Variants in RNU5D-1 observed in about 807,000 individuals in gnomAD.
The protein encoded by RNU5D-1 is RNA, U5D small nuclear.
At chr1:44,731,073 C>G (rs561381956) in exon 1 of RNU5D-1, 5 of 152,086 alleles carry the variant, frequency 3.3e-5, no homozygotes, top group South Asian at 2.1e-4. Context: ...CAACATAGGG[C>G]TTCAAAAAAT....
At chr1:44,731,093 A>G (rs995947840) in exon 1 of RNU5D-1, 1 of 151,906 alleles carries the variant, frequency 6.6e-6, no homozygotes, top group African/African-American at 2.4e-5. Flanking sequence ...TTTGCTTGAA[A>G]CTCAAAACGG....
exon 1 of RNU5D-1, chr1:44,731,129 A>G (rs905969719): frequency 2.0e-5 from 3 of 151,892 alleles, no homozygotes; most frequent in Admixed American, 6.6e-5. Flanking sequence ...ATCTTTAGTA[A>G]AAGGCGAAAG....
chr1:44,731,108 T>A lies in RNU5D-1; in HGVS notation n.63A>T, dbSNP rs557627799. ...TTTGCTTGAAACTCAAAACGGTTTC[T>A]CTCCACGGAAATCTTTAGTAAAAGG... On this transcript the variant is annotated non_coding_transcript_exon_variant, in exon 1 of 1. Coordinates refer to ENST00000363299, the Ensembl canonical transcript of RNU5D-1. 2.0e-3 allele frequency: 302 copies of A among 152,058 alleles called. 1 individual carries two copies. Among genetic ancestry groups the A allele is most frequent in the African/African-American group, 7.1e-3 (294 of 41,478 alleles). The allele number at this position is 152,058 out of a possible 1,614,324, so 9.4% of individuals were successfully genotyped here.
exon 1 of RNU5D-1, chr1:44,731,097 A>C (rs578138040): frequency 2.6e-5 from 4 of 152,204 alleles, no homozygotes; most frequent in Admixed American, 2.6e-4. Flanking sequence ...CTTGAAACTC[A>C]AAACGGTTTC....
At chr1:44,731,097 A>AG (rs1491360954) in exon 1 of RNU5D-1, 1 of 152,086 alleles carries the variant, frequency 6.6e-6, no homozygotes. Flanking sequence ...CTTGAAACTC[A>AG]AAACGGTTTC....
chr1:44,731,099 A>C (rs917723363), exon 1 of RNU5D-1: 2 of 152,028 alleles, frequency 1.3e-5, no homozygotes, highest in African/African-American at 4.8e-5. Context: ...TGAAACTCAA[A>C]ACGGTTTCTC....
exon 1 of RNU5D-1, chr1:44,731,086 G>A (rs184808992): frequency 7.9e-5 from 12 of 151,988 alleles, no homozygotes; most frequent in South Asian, 2.1e-4. Context: ...CAAAAAATTT[G>A]CTTGAAACTC....
At chr1:44,731,125 A>G (rs1027580885) in exon 1 of RNU5D-1, 3 of 151,988 alleles carry the variant, frequency 2.0e-5, no homozygotes, top group Non-Finnish European at 2.9e-5. Flanking sequence ...GGAAATCTTT[A>G]GTAAAAGGCG....
At chr1:44,731,147 C>G (rs139666682) in exon 1 of RNU5D-1, 1 of 151,348 alleles carries the variant, frequency 6.6e-6, no homozygotes, top group Non-Finnish European at 1.5e-5. Context: ...AAGATTTATA[C>G]GATTTGAAGA....
chr1:44,731,144 A>G (rs181113895), exon 1 of RNU5D-1: 9 of 151,804 alleles, frequency 5.9e-5, no homozygotes, highest in East Asian at 1.9e-4. Context: ...CGAAAGATTT[A>G]TACGATTTGA....
exon 1 of RNU5D-1, chr1:44,731,097 A>T (rs578138040): frequency 2.0e-5 from 3 of 152,086 alleles, no homozygotes; most frequent in Non-Finnish European, 4.4e-5. Flanking sequence ...CTTGAAACTC[A>T]AAACGGTTTC....
exon 1 of RNU5D-1, chr1:44,731,144 A>T (rs181113895): frequency 2.6e-5 from 4 of 151,686 alleles, no homozygotes; most frequent in South Asian, 2.1e-4. Flanking sequence ...CGAAAGATTT[A>T]TACGATTTGA....
exon 1 of RNU5D-1, chr1:44,731,096 C>G (rs536913271): frequency 9.2e-5 from 14 of 152,108 alleles, no homozygotes; most frequent in African/African-American, 2.7e-4. Context: ...GCTTGAAACT[C>G]AAAACGGTTT....
exon 1 of RNU5D-1, chr1:44,731,120 T>A (rs146096730): frequency 1.3e-5 from 2 of 152,008 alleles, no homozygotes; most frequent in South Asian, 2.1e-4. Flanking sequence ...TCCACGGAAA[T>A]CTTTAGTAAA....
chr1:44,731,118 A>T (rs72899568), exon 1 of RNU5D-1: 2 of 152,004 alleles, frequency 1.3e-5, no homozygotes, highest in African/African-American at 2.4e-5. Context: ...TCTCCACGGA[A>T]ATCTTTAGTA....
At position 44,731,166 on chromosome 1, in the gene RNU5D-1, A is replaced by C. The variant is rs564473394; in HGVS notation, n.5T>G. The C allele has an allele frequency of 3.3e-5, 5 of 151,848 alleles. No homozygotes were observed. The South Asian group carries it at 6.2e-4, about 19-fold the overall frequency. 9.4% of individuals were successfully genotyped at this position (151,848 alleles called of 1,614,324 possible). A position where few individuals can be genotyped will look rare whatever the true frequency, so the allele number is the denominator to read the frequency against. The stretch of plus-strand genomic sequence containing the variant: ...TTTATACGATTTGAAGAGAAACCAG[A>C]GCATGTGTTGGAATGGTTGCACACA... On this transcript the variant is annotated non_coding_transcript_exon_variant, in exon 1 of 1. Transcript: ENST00000363299.
At chr1:44,731,153 G>C (rs112611377) in exon 1 of RNU5D-1, 66 of 151,366 alleles carry the variant, frequency 4.4e-4, no homozygotes, top group African/African-American at 1.5e-3. Context: ...TATACGATTT[G>C]AAGAGAAACC....
chr1:44,731,091 AAACTCAAAAC>A (rs1409580437), exon 1 of RNU5D-1: 1 of 152,086 alleles, frequency 6.6e-6, no homozygotes, highest in African/African-American at 2.4e-5. Flanking sequence ...AATTTGCTTG[AAACTCAAAAC>A]GGTTTCTCTC....
exon 1 of RNU5D-1, chr1:44,731,073 C>CT (rs1364534714): frequency 4.6e-5 from 7 of 152,086 alleles, no homozygotes; most frequent in Non-Finnish European, 7.4e-5. Context: ...CAACATAGGG[C>CT]TTCAAAAAAT....
Sources: gnomAD v4.1 joint callset for allele counts on GRCh38, gnomAD v4.1.1 for gene constraint, MANE v1.5 for transcripts, NCBI Gene and HGNC (gene_info 2026-07-23, HGNC 2026-07-21) for gene names.